FAM114A1: variants seen among roughly 807,000 people sequenced by gnomAD.
The protein encoded by FAM114A1 is protein NOXP20.
FAM114A1 carries 62 observed loss-of-function variants against 64.3 expected under a neutral mutation model. The ratio of observed to expected loss-of-function variants is 0.96; its 90% CI spans 0.79 to 1.19. The LOEUF is 1.19. Ranked by LOEUF, FAM114A1 falls within the 50% of genes most tolerant of loss-of-function variation. FAM114A1 has a pLI of 0.00. For missense variants in FAM114A1, 645 were observed against 676.3 expected (o/e 0.95, Z 0.51); for synonymous variants, 254 against 251.1 (o/e 1.01, Z -0.11).
intron 8 of FAM114A1, among the ~76,000 whole-genome samples, chr4:38,921,594 T>C (rs1035075519): frequency 6.6e-6 from 1 of 152,100 alleles, no homozygotes; most frequent in Non-Finnish European, 1.5e-5. Flanking sequence ...ATACAGAGGA[T>C]AGTTTCAAAA....
At chr4:38,873,276 C>T (rs571006726) in intron 2 of FAM114A1, among the ~76,000 whole-genome samples, 12 of 152,216 alleles carry the variant, frequency 7.9e-5, no homozygotes, top group African/African-American at 2.4e-4. Context: ...TTTGCTTACA[C>T]AAATACATTC....
intron 2 of FAM114A1, among the ~76,000 whole-genome samples, chr4:38,871,266 A>AT (rs1714056807): frequency 6.6e-6 from 1 of 150,822 alleles, no homozygotes; most frequent in African/African-American, 2.4e-5. Context: ...ATTTTTTTGT[A>AT]TTTTTAGTAG....
At chr4:38,911,502 T>C (rs1206373657) in intron 7 of FAM114A1, among the ~76,000 whole-genome samples, 1 of 152,220 alleles carries the variant, frequency 6.6e-6, no homozygotes, top group East Asian at 1.9e-4. Context: ...GCACTTTCAA[T>C]TGCTGTTATC....
At chr4:38,874,236 T>C (rs570231542) in intron 2 of FAM114A1, among the ~76,000 whole-genome samples, 120 of 152,310 alleles carry the variant, frequency 7.9e-4, no homozygotes, top group African/African-American at 2.7e-3. Context: ...AACATTCAAC[T>C]CACAGGAGAT....
At chr4:38,922,634 C>A in intron 8 of FAM114A1, 136 bp from the exon 9 acceptor site, 2 of 1,130,166 alleles carry the variant, frequency 1.8e-6, no homozygotes, top group Non-Finnish European at 2.5e-6. Flanking sequence ...TAACATGCAT[C>A]AAGCCAACAT....
At chr4:38,917,890 A>C (rs1719222561) in intron 8 of FAM114A1, among the ~76,000 whole-genome samples, 1 of 152,076 alleles carries the variant, frequency 6.6e-6, no homozygotes, top group Non-Finnish European at 1.5e-5. Flanking sequence ...TTTTGTCTTG[A>C]CTTAGTAATG....
intron 10 of FAM114A1, 144 bp downstream of exon 10, chr4:38,929,477 G>A (rs1170292628): frequency 3.3e-5 from 21 of 641,378 alleles, no homozygotes; most frequent in Middle Eastern, 3.0e-4. Flanking sequence ...TTTGAGGTCA[G>A]TAATTAAGAT....
At chr4:38,906,807 T>C (rs1257264050) in intron 6 of FAM114A1, among the ~76,000 whole-genome samples, 1 of 152,204 alleles carries the variant, frequency 6.6e-6, no homozygotes, top group Non-Finnish European at 1.5e-5. Context: ...AGTGCTGAGA[T>C]TACAGGTGTG....
chr4:38,906,387 G>C (rs1241567373), intron 6 of FAM114A1, among the ~76,000 whole-genome samples: 1 of 150,256 alleles, frequency 6.7e-6, no homozygotes, highest in South Asian at 2.1e-4. Flanking sequence ...CACCCTAAGT[G>C]TATCCCCCTA....
chr4:38,907,244 G>C (rs557647910), intron 6 of FAM114A1, among the ~76,000 whole-genome samples: 2 of 152,148 alleles, frequency 1.3e-5, no homozygotes, highest in Admixed American at 1.3e-4. Context: ...CCACCCCCGT[G>C]GGGGGTTTGT....
rs1190285577 is a variant in FAM114A1, at chr4:38,945,339, A to G, written c.*1782A>G. 6.6e-6 allele frequency: 1 copy of G among 152,222 alleles called. No individual in the cohort carries two copies. The highest frequency in any genetic ancestry group is 2.4e-5 in the African/African-American group (1 of 41,454). 9.4% of individuals were successfully genotyped at this position (152,222 alleles called of 1,614,324 possible). On this transcript the variant is annotated 3_prime_UTR_variant, in exon 15 of 15. Transcript: ENST00000358869. ...AGAAGACCCTGCGGCCAGGAGGGGCATTGTCAGTGGCTGCTTCTCCTGAGC... is the reference window on the plus strand; with the variant it reads ...AGAAGACCCTGCGGCCAGGAGGGGCGTTGTCAGTGGCTGCTTCTCCTGAGC...
At chr4:38,869,214 G>T (rs1713773400) in intron 2 of FAM114A1, among the ~76,000 whole-genome samples, 2 of 152,210 alleles carry the variant, frequency 1.3e-5, no homozygotes, top group African/African-American at 4.8e-5. Context: ...ACATGGAATA[G>T]AAATCTGTGC....
intron 3 of FAM114A1, among the ~76,000 whole-genome samples, chr4:38,885,432 C>G (rs906276414): frequency 1.3e-5 from 2 of 151,930 alleles, no homozygotes; most frequent in Admixed American, 6.6e-5. Flanking sequence ...CATGCCACCA[C>G]GCCTGGCTAA....
rs192456720 is a variant in FAM114A1 at position 38,923,799 on chromosome 4, C to G, written c.1069+906C>G. 4.7e-3 allele frequency among the ~76,000 whole-genome samples: 723 copies of G among 152,248 alleles called. 7 individuals are homozygous for G. Among genetic ancestry groups the G allele is most frequent in the African/African-American group, 0.017 (705 of 41,536 alleles). On this transcript the variant is annotated intron_variant, in intron 9 of 14. Coordinates refer to ENST00000358869, the MANE Select transcript of FAM114A1 (RefSeq NM_138389.4). ...ATCTTCCACCCAGATGATAACTTGACCTCAAGGAGATTAGAACTTATTTTA... is the reference window on the plus strand; with the variant it reads ...ATCTTCCACCCAGATGATAACTTGAGCTCAAGGAGATTAGAACTTATTTTA...
chr4:38,926,008 A>C (rs954133469), intron 9 of FAM114A1, among the ~76,000 whole-genome samples: 2 of 152,154 alleles, frequency 1.3e-5, no homozygotes, highest in Non-Finnish European at 2.9e-5. Flanking sequence ...TAATCTCCCT[A>C]TGTTTGTATC....
intron 8 of FAM114A1, among the ~76,000 whole-genome samples, chr4:38,918,591 A>G (rs1490104124): frequency 6.6e-6 from 1 of 152,226 alleles, no homozygotes; most frequent in Non-Finnish European, 1.5e-5. Flanking sequence ...TTCACTGTTT[A>G]TCTGAAATTC....
chr4:38,883,500 C>T (rs1715498557), intron 3 of FAM114A1, among the ~76,000 whole-genome samples: 1 of 152,134 alleles, frequency 6.6e-6, no homozygotes, highest in Non-Finnish European at 1.5e-5. Flanking sequence ...AAAATGTCAT[C>T]CCTACTGCTC....
At chr4:38,908,102 C>CTAA (rs1249823537) in intron 6 of FAM114A1, among the ~76,000 whole-genome samples, 1 of 152,116 alleles carries the variant, frequency 6.6e-6, no homozygotes, top group Non-Finnish European at 1.5e-5. Context: ...GAGGGTCTTA[C>CTAA]CCTCCAGGGC....
At chr4:38,890,872 A>C (rs1716296549) in intron 3 of FAM114A1, among the ~76,000 whole-genome samples, 2 of 152,344 alleles carry the variant, frequency 1.3e-5, no homozygotes, top group Admixed American at 6.5e-5. Flanking sequence ...AATCTCATAG[A>C]ACCCAAAGAT....
Sources: allele counts gnomAD v4.1 joint callset (sites outside exome capture counted in the v4.1 genomes callset), GRCh38; gene constraint gnomAD v4.1.1; transcripts MANE v1.5; gene names NCBI Gene and HGNC (gene_info 2026-07-23, HGNC 2026-07-21).